The following RGPD2 variants were observed in gnomAD, a reference collection of about 807,000 sequenced individuals.
The protein encoded by RGPD2 is RANBP2 like and GRIP domain containing 2.
A neutral mutation model predicts 36.0 loss-of-function variants in RGPD2; 2 were observed. The observed-to-expected ratio is 0.06, with a 90% CI of 0.02 to 0.17. The LOEUF (loss-of-function observed/expected upper bound fraction) is 0.17. RGPD2 is among the 10% of genes least tolerant of loss of function. RGPD2 has a pLI of 1.00. For synonymous variants in RGPD2, 19 were observed against 163.8 expected (o/e 0.12, Z 6.75); for missense variants, 40 against 464.3 (o/e 0.09, Z 8.40).
the RGPD2 span, among the ~76,000 whole-genome samples, chr2:87,960,357 T>C: frequency 3.2e-5 from 3 of 95,212 alleles, no homozygotes; most frequent in Non-Finnish European, 6.2e-5. Context: ...ATTCTCTTCA[T>C]GCAATAATTC....
the RGPD2 span, among the ~76,000 whole-genome samples, chr2:87,854,524 CT>C: frequency 7.2e-6 from 1 of 139,798 alleles, no homozygotes. Context: ...TTTTATGTTC[CT>C]TTAAATATTC....
chr2:87,867,762 C>T, the RGPD2 span, among the ~76,000 whole-genome samples: 1 of 147,986 alleles, frequency 6.8e-6, no homozygotes, highest in Admixed American at 6.8e-5. Flanking sequence ...TTTTATTTGA[C>T]ATATACAATA....
chr2:87,824,817 C>G lies in RGPD2; in HGVS notation c.72+841G>C, dbSNP rs1427725495. The G allele has an allele frequency of 1.1e-4, 9 of 80,216 alleles. No homozygotes were observed. In the East Asian group the frequency reaches 3.2e-3, roughly 29 times the overall value. 5.0% of individuals were successfully genotyped at this position (80,216 alleles called of 1,614,324 possible). On this transcript the variant is annotated intron_variant, in intron 1 of 22. Coordinates refer to ENST00000398146, the MANE Select transcript of RGPD2 (RefSeq NM_001078170.3). ...GAGGCCGCCGCCGCCGCCGCCCGGCCAGGCCGAGGCCGCCGCCGCCGCCGC... is the reference window on the plus strand; with the variant it reads ...GAGGCCGCCGCCGCCGCCGCCCGGCGAGGCCGAGGCCGCCGCCGCCGCCGC...
chr2:87,857,156 C>T, the RGPD2 span, among the ~76,000 whole-genome samples: 1 of 152,212 alleles, frequency 6.6e-6, no homozygotes, highest in African/African-American at 2.4e-5. Context: ...GAACTCCCTA[C>T]AAAAATGTGA....
chr2:87,960,117 G>A, the RGPD2 span, among the ~76,000 whole-genome samples: 8 of 146,954 alleles, frequency 5.4e-5, no homozygotes, highest in African/African-American at 1.7e-4. Context: ...AAACATAGTC[G>A]TGTTTGTCTC....
chr2:87,972,184 C>CT, the RGPD2 span, among the ~76,000 whole-genome samples: 6 of 151,878 alleles, frequency 4.0e-5, no homozygotes, highest in South Asian at 8.3e-4. Context: ...GTACAAAACA[C>CT]TATCACATAA....
chr2:87,826,020 C>G (rs1686800359), upstream of RGPD2: 2 of 385,314 alleles, frequency 5.2e-6, no homozygotes, highest in Non-Finnish European at 9.4e-6. Flanking sequence ...GTGCTGTAAA[C>G]CATTCATTTG....
the RGPD2 span, among the ~76,000 whole-genome samples, chr2:87,947,924 G>A: frequency 3.3e-5 from 5 of 151,502 alleles, no homozygotes; most frequent in South Asian, 2.1e-4. Flanking sequence ...CTGGCTACCC[G>A]TTCGGGACCC....
the RGPD2 span, among the ~76,000 whole-genome samples, chr2:87,857,875 C>G: frequency 6.6e-6 from 1 of 151,742 alleles, no homozygotes; most frequent in Non-Finnish European, 1.5e-5. Flanking sequence ...TAGCTTTACA[C>G]TTATGAGTCT....
chr2:87,861,255 A>G, the RGPD2 span, among the ~76,000 whole-genome samples: 2 of 151,800 alleles, frequency 1.3e-5, no homozygotes, highest in African/African-American at 4.8e-5. Context: ...TTTATTATAA[A>G]AAGCAAATTG....
At chr2:87,858,082 C>T in the RGPD2 span, among the ~76,000 whole-genome samples, 7 of 152,238 alleles carry the variant, frequency 4.6e-5, no homozygotes, top group African/African-American at 1.7e-4. Flanking sequence ...TATGTATTTC[C>T]ATGTGTAGAT....
chr2:87,928,869 A>G, the RGPD2 span, among the ~76,000 whole-genome samples: 4 of 151,720 alleles, frequency 2.6e-5, no homozygotes, highest in East Asian at 5.8e-4. Flanking sequence ...GTGTCTGTTC[A>G]TGTCCATCAC....
At chr2:87,916,291 G>T in the RGPD2 span, among the ~76,000 whole-genome samples, 3 of 131,600 alleles carry the variant, frequency 2.3e-5, no homozygotes, top group East Asian at 6.3e-4. Flanking sequence ...GTCATTTGCT[G>T]TCCCAAGTTT....
the RGPD2 span, among the ~76,000 whole-genome samples, chr2:87,872,588 C>T: frequency 1.4e-4 from 21 of 149,492 alleles, no homozygotes; most frequent in Non-Finnish European, 2.8e-4. Context: ...TAAACATGTG[C>T]CATTGTGGTT....
intron 6 of RGPD2, among the ~76,000 whole-genome samples, chr2:87,807,380 G>GTC (rs1325349308): frequency 2.7e-4 from 22 of 81,946 alleles, no homozygotes; most frequent in African/African-American, 1.3e-3. Context: ...GCGTTAAATT[G>GTC]TTTTTTTTTT....
chr2:87,877,702 G>A, the RGPD2 span, among the ~76,000 whole-genome samples: 1 of 150,602 alleles, frequency 6.6e-6, no homozygotes, highest in Non-Finnish European at 1.5e-5. Flanking sequence ...CTACTCGGGA[G>A]TCTGAGGCAG....
At chr2:87,986,259 C>G in the RGPD2 span, among the ~76,000 whole-genome samples, 3 of 151,264 alleles carry the variant, frequency 2.0e-5, no homozygotes. Context: ...CCTCAGCCAC[C>G]AAGTAGCCGG....
the RGPD2 span, among the ~76,000 whole-genome samples, chr2:87,886,789 A>G: frequency 6.6e-6 from 1 of 151,848 alleles, no homozygotes; most frequent in Non-Finnish European, 1.5e-5. Context: ...GTTGGCACAA[A>G]TTATAGCACA....
At chr2:87,947,337 A>C in the RGPD2 span, among the ~76,000 whole-genome samples, 7 of 152,208 alleles carry the variant, frequency 4.6e-5, no homozygotes, top group Non-Finnish European at 1.0e-4. Flanking sequence ...GGTTAAAAGA[A>C]TGGACTCAGA....
Sources: allele counts gnomAD v4.1 joint callset (sites outside exome capture counted in the v4.1 genomes callset), GRCh38; gene constraint gnomAD v4.1.1; transcripts MANE v1.5; gene names NCBI Gene and HGNC (gene_info 2026-07-23, HGNC 2026-07-21).